GSE1: variants seen among roughly 807,000 people sequenced by gnomAD.
The protein encoded by GSE1 is Gse1 coiled-coil protein.
GSE1 carries 32 observed loss-of-function variants against 112.6 expected under a neutral mutation model. The observed-to-expected ratio is 0.28, with a 90% CI of 0.21 to 0.38. The LOEUF (loss-of-function observed/expected upper bound fraction) is 0.38. Ranked by LOEUF, GSE1 falls within the 10% of genes least tolerant of loss-of-function variation. The pLI is 1.00. For missense variants in GSE1, 2,348 were observed against 1,699.2 expected, an observed-to-expected ratio of 1.38 and a Z score of -6.71; for synonymous variants, 1,115 against 735.6, an observed-to-expected ratio of 1.52 and a Z score of -8.35.
intron 1 of GSE1, among the ~76,000 whole-genome samples, chr16:85,194,623 C>T (rs546618910): frequency 4.6e-5 from 7 of 152,182 alleles, no homozygotes; most frequent in African/African-American, 1.7e-4. Flanking sequence ...TTTTTTTTCC[C>T]CCTTGCTCAA....
intron 2 of GSE1, among the ~76,000 whole-genome samples, chr16:85,413,333 G>T (rs1235911120): frequency 6.6e-6 from 1 of 152,184 alleles, no homozygotes; most frequent in Admixed American, 6.5e-5. Context: ...CTAGGAGGAA[G>T]GCAGGGCCAT....
Position 85,556,757 on chromosome 16 carries a change from C to G in GSE1, c.37+394C>G, listed in dbSNP as rs866049482. ...CCCCGATCGGGTAGCATGCCCCCCCCCCCCCCAGTCCTGGGGTTTATTTCC... is the reference window on the plus strand; with the variant it reads ...CCCCGATCGGGTAGCATGCCCCCCCGCCCCCCAGTCCTGGGGTTTATTTCC... On this transcript the variant is annotated intron_variant, in intron 1 of 2. Transcript: ENST00000635906. 1.7e-3 allele frequency among the ~76,000 whole-genome samples: 251 copies of G among 144,422 alleles called. 3 individuals carry two copies. The highest frequency in any genetic ancestry group is 3.2e-3 in the South Asian group (14 of 4,354). The allele number at this position is 144,422 out of a possible 152,430, so 94.7% of individuals were successfully genotyped here.
chr16:85,591,661 C>T (rs1409229362), intron 1 of GSE1, among the ~76,000 whole-genome samples: 1 of 152,230 alleles, frequency 6.6e-6, no homozygotes, highest in African/African-American at 2.4e-5. Flanking sequence ...GCAGGCAGAC[C>T]AGCCACTCAG....
In GSE1 at chr16:85,654,040, G is replaced by A. The variant is rs547869851; in HGVS notation, c.427-238G>A. On this transcript the variant is annotated intron_variant, in intron 3 of 15. Coordinates refer to ENST00000253458, the MANE Select transcript of GSE1 (RefSeq NM_014615.5). Reference sequence around the variant, plus strand: ...TTGCTGGACTGAGGAGGCCCAGGGAGGGAGACGGATCCCGAGACGCACTTC... The same window carrying A: ...TTGCTGGACTGAGGAGGCCCAGGGAAGGAGACGGATCCCGAGACGCACTTC... Among the ~76,000 whole-genome samples the A allele has an allele frequency of 3.6e-4, 55 of 152,264 alleles. 2 individuals carry two copies. Among genetic ancestry groups the A allele is most frequent in the Admixed American group, 2.0e-3 (30 of 15,302 alleles).
chr16:85,498,556 C>T (rs1488339007), intron 2 of GSE1, among the ~76,000 whole-genome samples: 3 of 82 alleles, frequency 0.037, no homozygotes, highest in South Asian at 0.25. Flanking sequence ...TATAGACTCA[C>T]GCATACACCC....
In GSE1 at chr16:85,665,123, T is replaced by G; in HGVS notation, c.2753T>G (p.Leu918Arg). The change falls in exon 12 of 16, where the codon CTG becomes CGG. Residue 918 changes from leucine (L) to arginine (R), a missense_variant. Transcript: ENST00000253458. ...NSPRDSPAVS[L>R]SEPATQQASL... ...CCGAGGGACAGTCCTGCCGTCTCCC[T>G]GAGTGGTAAGGGAAGGATAGCCCCA... 1 of 1,595,010 alleles carries G rather than the reference T, an allele frequency of 6.3e-7. No homozygotes were observed. Among genetic ancestry groups the G allele is most frequent in the East Asian group, 2.2e-5 (1 of 44,804 alleles).
chr16:85,622,702 C>T (rs899362421), intron 1 of GSE1, among the ~76,000 whole-genome samples: 1 of 152,188 alleles, frequency 6.6e-6, no homozygotes, highest in Admixed American at 6.5e-5. Context: ...ACTTGGTGAG[C>T]TTGCTTTGAT....
intron 1 of GSE1, among the ~76,000 whole-genome samples, chr16:85,246,923 G>A (rs550226320): frequency 6.6e-6 from 1 of 152,154 alleles, no homozygotes; most frequent in East Asian, 1.9e-4. Context: ...GGCTAGGTTG[G>A]GTTACCCCCT....
At chr16:85,223,120 G>A (rs947266950) in intron 1 of GSE1, among the ~76,000 whole-genome samples, 1 of 152,074 alleles carries the variant, frequency 6.6e-6, no homozygotes, top group African/African-American at 2.4e-5. Flanking sequence ...CTTATCTCAG[G>A]AAGAGGCAGA....
chr16:85,176,616 C>T (rs2074471210), intron 1 of GSE1, among the ~76,000 whole-genome samples: 1 of 152,270 alleles, frequency 6.6e-6, no homozygotes, highest in Non-Finnish European at 1.5e-5. Context: ...CTTCCCGCTT[C>T]CAGGACTCTG....
chr16:85,405,108 T>C (rs369760862), intron 2 of GSE1, among the ~76,000 whole-genome samples: 1 of 6,358 alleles, frequency 1.6e-4, no homozygotes, highest in African/African-American at 5.4e-4. Context: ...TAATCCTCAC[T>C]GTTACTCTCA....
chr16:85,476,512 T>C (rs953293730), intron 2 of GSE1, among the ~76,000 whole-genome samples: 1 of 152,218 alleles, frequency 6.6e-6, no homozygotes, highest in Non-Finnish European at 1.5e-5. Context: ...ATGCCTTCTG[T>C]TCCCTGGGTC....
chr16:85,369,426 G>A (rs1218486438), intron 2 of GSE1, among the ~76,000 whole-genome samples: 2 of 152,076 alleles, frequency 1.3e-5, no homozygotes, highest in African/African-American at 4.8e-5. Flanking sequence ...CTGTTGTGCA[G>A]GCTGGTCTCA....
chr16:85,638,758 C>G (rs1184590083), intron 2 of GSE1, among the ~76,000 whole-genome samples: 1 of 151,658 alleles, frequency 6.6e-6, no homozygotes, highest in Non-Finnish European at 1.5e-5. Flanking sequence ...CACCCACTGC[C>G]ACCCCTTCCC....
At chr16:85,415,704 G>A (rs1422263536) in intron 2 of GSE1, among the ~76,000 whole-genome samples, 7 of 152,248 alleles carry the variant, frequency 4.6e-5, no homozygotes, top group African/African-American at 1.7e-4. Flanking sequence ...GGTGGGAGGC[G>A]CAGCCCGGGT....
intron 1 of GSE1, among the ~76,000 whole-genome samples, chr16:85,293,648 G>C (rs1424957817): frequency 6.6e-6 from 1 of 152,166 alleles, no homozygotes; most frequent in Non-Finnish European, 1.5e-5. Flanking sequence ...TCAGCGGGAC[G>C]GCTTCCTTCT....
chr16:85,392,029 C>A (rs1338253771), intron 2 of GSE1, among the ~76,000 whole-genome samples: 1 of 152,130 alleles, frequency 6.6e-6, no homozygotes, highest in East Asian at 1.9e-4. Flanking sequence ...CTCCTAGGGG[C>A]CCCAGCTGGC....
At chr16:85,536,614 G>A (rs1432386813) in intron 2 of GSE1, among the ~76,000 whole-genome samples, 1 of 152,218 alleles carries the variant, frequency 6.6e-6, no homozygotes, top group African/African-American at 2.4e-5. Flanking sequence ...AGTGTGACAA[G>A]GATCTGAGGT....
At chr16:85,203,759 A>G (rs1365046732) in intron 1 of GSE1, among the ~76,000 whole-genome samples, 2 of 152,270 alleles carry the variant, frequency 1.3e-5, no homozygotes, top group Admixed American at 6.5e-5. Context: ...CTTATTTGAG[A>G]CAGGGTCTCA....
Sources: allele counts gnomAD v4.1 joint callset (sites outside exome capture counted in the v4.1 genomes callset), GRCh38; gene constraint gnomAD v4.1.1; transcripts MANE v1.5; gene names NCBI Gene and HGNC (gene_info 2026-07-23, HGNC 2026-07-21).